The following AGMO variants were observed in gnomAD, a reference collection of about 807,000 sequenced individuals.
AGMO encodes alkylglycerol monooxygenase.
A neutral mutation model predicts 60.2 loss-of-function variants in AGMO; 75 were observed. That is an observed-to-expected ratio of 1.25 (90% CI 1.03 to 1.51). AGMO has a LOEUF of 1.51. Among genes scored for constraint, AGMO ranks in the 40% most tolerant of loss-of-function variants. The probability of loss-of-function intolerance (pLI) is 0.00; values close to 1 mark genes in which losing one functional copy is unlikely to be tolerated. For synonymous variants in AGMO, 261 were observed against 177.1 expected, an observed-to-expected ratio of 1.47 and a Z score of -3.76; for missense variants, 763 against 525.5, an observed-to-expected ratio of 1.45 and a Z score of -4.42.
intron 12 of AGMO, among the ~76,000 whole-genome samples, chr7:15,342,111 T>C (rs1421156186): frequency 1.4e-5 from 2 of 139,702 alleles, no homozygotes; most frequent in East Asian, 2.1e-4. Flanking sequence ...TTAGAAAGCA[T>C]TTAAACTCAT....
rs377192045 is a variant in AGMO, at chr7:15,353,833, G to A, written c.1263+11681C>T. ...TTAAAAATAACAGCATATGGGAGAA[G>A]GGACAGGTGAGTAAGAATATAAGCT... On this transcript the variant is annotated intron_variant, in intron 12 of 12. Coordinates refer to ENST00000342526, the MANE Select transcript of AGMO (RefSeq NM_001004320.2). 2.6e-5 allele frequency among the ~76,000 whole-genome samples: 4 copies of A among 152,194 alleles called. No individual in the cohort carries two copies. The East Asian group carries it at 5.8e-4, about 22-fold the overall frequency.
At chr7:15,198,361 T>A (rs556107673), downstream of AGMO, among the ~76,000 whole-genome samples, 13 of 152,172 alleles carry the variant, frequency 8.5e-5, no homozygotes, top group African/African-American at 2.4e-4. Flanking sequence ...TGTTCTGTCA[T>A]CATGTATTAG....
intron 3 of AGMO, among the ~76,000 whole-genome samples, chr7:15,509,227 C>A (rs1298604389): frequency 1.3e-5 from 2 of 152,122 alleles, no homozygotes; most frequent in African/African-American, 4.8e-5. Context: ...AAACCATACA[C>A]CCAAACCAAT....
chr7:15,187,445 G>C, the AGMO span, among the ~76,000 whole-genome samples: 2 of 152,186 alleles, frequency 1.3e-5, no homozygotes, highest in Non-Finnish European at 2.9e-5. Context: ...GTCCTTGGAT[G>C]ACATCTTGGG....
intron 3 of AGMO, among the ~76,000 whole-genome samples, chr7:15,485,142 CAA>C (rs34731268): frequency 3.1e-5 from 3 of 97,804 alleles, no homozygotes; most frequent in Non-Finnish European, 4.3e-5. Context: ...ACTAAAAATA[CAA>C]AAAAAAAAAA....
intron 12 of AGMO, among the ~76,000 whole-genome samples, chr7:15,304,802 C>A (rs1373647188): frequency 6.6e-6 from 1 of 151,966 alleles, no homozygotes; most frequent in Non-Finnish European, 1.5e-5. Flanking sequence ...ATAAGCCTTC[C>A]TCTAAGCCCA....
At position 15,432,626 on chromosome 7, in the gene AGMO, G is replaced by A. The variant is rs543556081; in HGVS notation, c.410-1518C>T. Among the ~76,000 whole-genome samples, 6 of 151,718 alleles carry A rather than the reference G, an allele frequency of 4.0e-5. No individual in the cohort carries two copies. The South Asian group carries it at 6.2e-4, about 16-fold the overall frequency. On this transcript the variant is annotated intron_variant, in intron 3 of 12. Coordinates refer to ENST00000342526, the MANE Select transcript of AGMO (RefSeq NM_001004320.2). ...AGTCATATATTTTTCAATGGAACAC[G>A]TATTGTCATCAACCACAGCAGATAT...
chr7:15,201,128 C>A lies in AGMO; in HGVS notation c.*157G>T. On this transcript the variant is annotated 3_prime_UTR_variant, in exon 13 of 13. Transcript: ENST00000342526. ...GACTTTAATTTTTAATAGAAAATAA[C>A]AAATGTGAAAGGCAAACAATAGTAA... The A allele has an allele frequency of 2.1e-6, 1 of 471,104 alleles. No individual in the cohort carries two copies. Among genetic ancestry groups the A allele is most frequent in the African/African-American group, 2.0e-5 (1 of 49,508 alleles). 29.2% of individuals were successfully genotyped at this position (471,104 alleles called of 1,614,324 possible).
At chr7:15,296,631 A>G (rs1463463976) in intron 12 of AGMO, among the ~76,000 whole-genome samples, 1 of 152,208 alleles carries the variant, frequency 6.6e-6, no homozygotes, top group Non-Finnish European at 1.5e-5. Flanking sequence ...AATAATAAGC[A>G]TAATAACAGC....
In AGMO at chr7:15,403,437, C is replaced by T. The variant is rs11974364; in HGVS notation, c.610-9258G>A. On this transcript the variant is annotated intron_variant, in intron 5 of 12. Transcript: ENST00000342526. The stretch of plus-strand genomic sequence containing the variant: ...GGTACTGCAGTAAGATCTTTCAAGA[C>T]GTCATAGAGTGGAACAATGGAAATT... Among the ~76,000 whole-genome samples the T allele has an allele frequency of 4.0e-5, 6 of 151,802 alleles. No individual in the cohort carries two copies. The South Asian group carries it at 6.2e-4, about 16-fold the overall frequency.
intron 3 of AGMO, among the ~76,000 whole-genome samples, chr7:15,524,009 T>C (rs1180076980): frequency 1.3e-5 from 2 of 152,082 alleles, no homozygotes. Context: ...TAAAAGTAAA[T>C]ACAAACAATT....
chr7:15,339,562 T>A (rs1781768311), intron 12 of AGMO, among the ~76,000 whole-genome samples: 1 of 152,120 alleles, frequency 6.6e-6, no homozygotes, highest in African/African-American at 2.4e-5. Flanking sequence ...CAGAAATGAG[T>A]TTCCATTATT....
intron 4 of AGMO, among the ~76,000 whole-genome samples, chr7:15,422,864 G>C (rs1780963539): frequency 6.6e-6 from 1 of 152,088 alleles, no homozygotes; most frequent in Admixed American, 6.6e-5. Context: ...AGATTTCAAG[G>C]CACAGGATTT....
intron 5 of AGMO, among the ~76,000 whole-genome samples, chr7:15,409,896 A>T (rs1222603343): frequency 6.6e-6 from 1 of 151,750 alleles, no homozygotes; most frequent in Non-Finnish European, 1.5e-5. Flanking sequence ...ATTTAATTGG[A>T]GGTAATACCA....
chr7:15,172,862 T>C, the AGMO span, among the ~76,000 whole-genome samples: 1 of 152,158 alleles, frequency 6.6e-6, no homozygotes, highest in Non-Finnish European at 1.5e-5. Flanking sequence ...AGCCTCATTT[T>C]CATTCATACA....
chr7:15,261,075 A>G (rs137940218), intron 12 of AGMO, among the ~76,000 whole-genome samples: 132 of 152,258 alleles, frequency 8.7e-4, no homozygotes, highest in African/African-American at 3.1e-3. Flanking sequence ...GAATGAGCAT[A>G]AATAGACAAT....
the AGMO span, among the ~76,000 whole-genome samples, chr7:15,155,190 G>T: frequency 2.6e-5 from 4 of 152,044 alleles, no homozygotes; most frequent in African/African-American, 9.7e-5. Context: ...CTCAAATATG[G>T]TTTCCAAGTT....
At chr7:15,476,062 G>A (rs1474809084) in intron 3 of AGMO, among the ~76,000 whole-genome samples, 1 of 152,036 alleles carries the variant, frequency 6.6e-6, no homozygotes, top group Admixed American at 6.6e-5. Context: ...AAAATTTTTG[G>A]ATGAGTAAGC....
intron 3 of AGMO, 94 bp downstream of exon 3, chr7:15,544,678 G>T (rs908787086): frequency 2.9e-6 from 3 of 1,035,930 alleles, no homozygotes; most frequent in African/African-American, 1.6e-5. Context: ...TTTTATTCCT[G>T]TATTTATCCA....
Sources: allele counts gnomAD v4.1 joint callset (sites outside exome capture counted in the v4.1 genomes callset), GRCh38; gene constraint gnomAD v4.1.1; transcripts MANE v1.5; gene names NCBI Gene and HGNC (gene_info 2026-07-23, HGNC 2026-07-21).